The following YLPM1 variants were observed in gnomAD, a reference collection of about 807,000 sequenced individuals.
The protein encoded by YLPM1 is YLP motif containing 1, also known as YLP motif-containing protein 1.
YLPM1 carries 99 observed loss-of-function variants against 230.0 expected under a neutral mutation model. The observed-to-expected ratio is 0.43, with a 90% CI of 0.37 to 0.51. YLPM1 has a LOEUF of 0.51. Ranked by LOEUF, YLPM1 falls within the 20% of genes least tolerant of loss-of-function variation. The probability of loss-of-function intolerance (pLI) is 0.00; values close to 1 mark genes in which losing one functional copy is unlikely to be tolerated. For synonymous variants in YLPM1, 984 were observed against 942.5 expected (o/e 1.04, Z -0.81); for missense variants, 2,592 against 2,707.7 (o/e 0.96, Z 0.95).
chr14:74,790,939 A>G (rs1317059109), intron 4 of YLPM1, among the ~76,000 whole-genome samples: 3 of 152,282 alleles, frequency 2.0e-5, no homozygotes, highest in South Asian at 4.1e-4. Flanking sequence ...TTGAACTTTG[A>G]AAATTTGAAA....
intron 6 of YLPM1, among the ~76,000 whole-genome samples, chr14:74,806,805 G>GT (rs796223587): frequency 0.015 from 2,067 of 140,470 alleles, 20 homozygotes; most frequent in Middle Eastern, 0.041. Context: ...TTTGAGTCAG[G>GT]TTTTTTTTTT....
chr14:74,827,410 A>G (rs1302941655), intron 18 of YLPM1: 7 of 985,302 alleles, frequency 7.1e-6, no homozygotes, highest in Non-Finnish European at 8.4e-6. Context: ...TCTTCAGCCC[A>G]AGAAGGAAAC....
At chr14:74,824,062 A>T (rs1365508332) in intron 17 of YLPM1, 194 bp from the exon 18 acceptor site, 2 of 579,362 alleles carry the variant, frequency 3.5e-6, no homozygotes, top group African/African-American at 3.8e-5. Flanking sequence ...TGAAATGTGG[A>T]CAGTGAAGTT....
At position 74,811,664 on chromosome 14, in the gene YLPM1, G is replaced by C; in HGVS notation, c.5273G>C (p.Arg1758Thr). ...AAAAAAGACCATTCCTCATCCAGAA[G>C]AGGGGGTTTTGATAGGCCATCCTAT... ...RDKKDHSSSR[R>T]GGFDRPSYDR... Residue 1758 changes from arginine to threonine, a missense_variant, in exon 10 of 21, where the codon AGA becomes ACA. Physicochemically the swap from Arg to Thr is moderately conservative, Grantham distance 71. Transcript: ENST00000325680. The C allele has an allele frequency of 1.2e-6, 2 of 1,613,016 alleles. No homozygotes were observed. Among genetic ancestry groups the C allele is most frequent in the South Asian group, 2.2e-5 (2 of 90,922 alleles).
rs1274011289 is a variant in YLPM1, at chr14:74,780,604, A to G, written c.1290+20A>G. 5 of 1,573,768 alleles carry G rather than the reference A, an allele frequency of 3.2e-6. No individual in the cohort carries two copies. In the African/African-American group the frequency reaches 6.8e-5, roughly 21 times the overall value. ...ATACAGGCAAGTGCTTCCATAGTCC[A>G]CAATAGGAAGTTGCCCCAAGACATT... On this transcript the variant is annotated intron_variant, in intron 3 of 20. Coordinates refer to ENST00000325680, the MANE Select transcript of YLPM1 (RefSeq NM_019589.3).
chr14:74,781,928 C>A lies in YLPM1; in HGVS notation c.1885C>A (p.Pro629Thr), dbSNP rs755599125. 1.2e-6 allele frequency: 2 copies of A among 1,613,882 alleles called. No homozygotes were observed. Among genetic ancestry groups the A allele is most frequent in the Admixed American group, 1.7e-5 (1 of 60,000 alleles). The change falls in exon 4 of 21, where the codon CCT (proline) becomes ACT (threonine). Residue 629 changes from proline to threonine, a missense_variant. Physicochemically the swap from Pro to Thr is conservative, Grantham distance 38. This residue lies in a region of YLPM1 where 1,862 missense variants were observed against 1,819.8 expected (regional missense o/e 1.02). Coordinates refer to ENST00000325680, the MANE Select transcript of YLPM1 (RefSeq NM_019589.3). ...CCTCCCACCATTGTCTTCAGCTACA[C>A]CTCCTCCAGGAATACCTCCCCCTGG... ...MPLPPLSSATPPPGIPPPGVP... is the reference protein window; with the variant it reads ...MPLPPLSSATTPPGIPPPGVP...
chr14:74,808,358 A>G (rs1437097118), intron 6 of YLPM1, among the ~76,000 whole-genome samples: 2 of 152,212 alleles, frequency 1.3e-5, no homozygotes, highest in African/African-American at 4.8e-5. Context: ...ACATGAATAT[A>G]CCACATTTTG....
intron 18 of YLPM1, chr14:74,827,277 G>C: frequency 1.1e-6 from 1 of 897,582 alleles, no homozygotes; most frequent in South Asian, 5.1e-5. Flanking sequence ...AATCATTAGT[G>C]TGCATGTATT....
intron 17 of YLPM1, among the ~76,000 whole-genome samples, chr14:74,822,968 A>G (rs1385796058): frequency 7.2e-5 from 11 of 152,112 alleles, no homozygotes. Context: ...GATGATTTTT[A>G]AGATGTAACT....
chr14:74,784,125 C>T (rs2091123188), intron 4 of YLPM1, among the ~76,000 whole-genome samples: 1 of 152,170 alleles, frequency 6.6e-6, no homozygotes, highest in Non-Finnish European at 1.5e-5. Context: ...GATCTGGTAA[C>T]TAATTTGCTA....
In YLPM1 at chr14:74,763,774, C is replaced by T. The variant is rs2090875769; in HGVS notation, c.285C>T (p.Gly95=). The part of the protein sequence containing the change: ...PLPPPPVMPG[G]GYGDWQPPPP... ...CGCCCCCGCCAGTGATGCCGGGGGG[C>T]GGCTACGGAGACTGGCAGCCGCCAC... Residue 95 remains glycine, a synonymous_variant, in exon 1 of 21, where the codon GGC becomes GGT. Transcript: ENST00000325680. 6.6e-7 allele frequency: 1 copy of T among 1,513,138 alleles called. No individual in the cohort carries two copies. Among genetic ancestry groups the T allele is most frequent in the East Asian group, 2.3e-5 (1 of 42,922 alleles). 93.7% of individuals were successfully genotyped at this position (1,513,138 alleles called of 1,614,324 possible). A position where few individuals can be genotyped will look rare whatever the true frequency, so the allele number is the denominator to read the frequency against.
chr14:74,817,651 A>G (rs772152668), intron 15 of YLPM1, among the ~76,000 whole-genome samples: 1 of 151,830 alleles, frequency 6.6e-6, no homozygotes, highest in Non-Finnish European at 1.5e-5. Flanking sequence ...CTGTATCAGC[A>G]CTCTTGTCTG....
intron 16 of YLPM1, among the ~76,000 whole-genome samples, chr14:74,820,266 T>C (rs2091510559): frequency 6.6e-6 from 1 of 152,224 alleles, no homozygotes; most frequent in South Asian, 2.1e-4. Flanking sequence ...TTTGTCATTG[T>C]TGAGACAGAG....
In YLPM1 at chr14:74,798,435, T is replaced by C. The variant is rs376155306; in HGVS notation, c.3138T>C (p.Ser1046=). The C allele has an allele frequency of 1.2e-6, 2 of 1,613,646 alleles. No individual in the cohort carries two copies. The highest frequency in any genetic ancestry group is 2.7e-5 in the African/African-American group (2 of 74,844). Residue 1046 remains serine (S), a synonymous_variant, in exon 5 of 21, where the codon AGT becomes AGC. Transcript: ENST00000325680. ...LVNRGRGQAI[S]RGPGLVKQED... is the part of the protein sequence containing the mutation. ...ACAGAGGTCGCGGCCAGGCAATCAG[T>C]CGAGGCCCAGGATTGGTCAAGCAAG...
intron 1 of YLPM1, among the ~76,000 whole-genome samples, chr14:74,773,144 C>T (rs190381547): frequency 1.6e-3 from 251 of 152,230 alleles, no homozygotes; most frequent in Middle Eastern, 0.014. Context: ...AAAAATTAGC[C>T]GGGCGTGGTG....
chr14:74,779,506 G>C (rs1229546096), intron 2 of YLPM1, among the ~76,000 whole-genome samples: 5 of 152,012 alleles, frequency 3.3e-5, no homozygotes, highest in Non-Finnish European at 7.4e-5. Context: ...TGGTCCAAAG[G>C]TCATTGTTCT....
chr14:74,775,351 A>C (rs924370217), intron 1 of YLPM1, among the ~76,000 whole-genome samples: 3 of 152,228 alleles, frequency 2.0e-5, no homozygotes, highest in Non-Finnish European at 4.4e-5. Flanking sequence ...TTTGAGTGAA[A>C]AGTAGGTAAC....
At chr14:74,770,058 T>C (rs1489079584) in intron 1 of YLPM1, among the ~76,000 whole-genome samples, 3 of 151,598 alleles carry the variant, frequency 2.0e-5, no homozygotes, top group Non-Finnish European at 4.4e-5. Context: ...GGTGGGCGCC[T>C]GTAGTCCCAA....
chr14:74,785,766 T>C (rs972911901), intron 4 of YLPM1, among the ~76,000 whole-genome samples: 3 of 152,218 alleles, frequency 2.0e-5, no homozygotes, highest in African/African-American at 7.2e-5. Context: ...GCTTTGAGTT[T>C]TTGCAAAATC....
Sources: gnomAD v4.1 joint callset for allele counts (sites outside exome capture counted in the v4.1 genomes callset) on GRCh38, gnomAD v4.1.1 for gene constraint, gnomAD v4.1.1 regional missense constraint, MANE v1.5 for transcripts, NCBI Gene and HGNC (gene_info 2026-07-23, HGNC 2026-07-21) for gene names.